The following SPHKAP variants were observed in gnomAD, a reference collection of about 807,000 sequenced individuals.
SPHKAP encodes A-kinase anchor protein SPHKAP.
In SPHKAP, 67 loss-of-function variants were observed where a neutral mutation model predicts 137.5. The ratio of observed to expected loss-of-function variants is 0.49; its 90% CI spans 0.40 to 0.60. SPHKAP has a LOEUF of 0.60. Ranked by LOEUF, SPHKAP falls within the 20% of genes least tolerant of loss-of-function variation. The pLI, the probability that SPHKAP is intolerant of heterozygous loss-of-function variation, is 0.00. For synonymous variants in SPHKAP, 813 were observed against 785.3 expected, an observed-to-expected ratio of 1.04 and a Z score of -0.59; for missense variants, 2,097 against 2,069.3, an observed-to-expected ratio of 1.01 and a Z score of -0.26.
chr2:228,107,281 T>C (rs1698372118), intron 3 of SPHKAP, among the ~76,000 whole-genome samples: 1 of 152,182 alleles, frequency 6.6e-6, no homozygotes, highest in Admixed American at 6.6e-5. Flanking sequence ...ACCATTCTAC[T>C]CTCTACTTTT....
At chr2:228,158,326 C>CTTTCT (rs780031162) in intron 1 of SPHKAP, among the ~76,000 whole-genome samples, 27 of 133,066 alleles carry the variant, frequency 2.0e-4, no homozygotes, top group East Asian at 1.1e-3. Flanking sequence ...TTACTTCTTT[C>CTTTCT]TTTTTTTTTT....
At chr2:228,004,944 T>C (rs539106967) in intron 7 of SPHKAP, among the ~76,000 whole-genome samples, 2 of 152,238 alleles carry the variant, frequency 1.3e-5, no homozygotes, top group Admixed American at 1.3e-4. Context: ...ATTTCTGTTC[T>C]TTTACATTTG....
At chr2:228,040,731 C>A (rs999125838) in intron 3 of SPHKAP, among the ~76,000 whole-genome samples, 1 of 151,808 alleles carries the variant, frequency 6.6e-6, no homozygotes, top group Non-Finnish European at 1.5e-5. Flanking sequence ...GTATTGACAG[C>A]TTAAAAAATA....
chr2:228,105,925 A>T (rs7570338), intron 3 of SPHKAP, among the ~76,000 whole-genome samples: 33,124 of 152,086 alleles, frequency 0.22, 4,074 homozygotes, highest in Admixed American at 0.36. Flanking sequence ...ACTAATACAC[A>T]TAGCTTTTGA....
intron 3 of SPHKAP, among the ~76,000 whole-genome samples, chr2:228,037,679 G>A (rs1002232868): frequency 6.6e-6 from 1 of 152,162 alleles, no homozygotes; most frequent in Non-Finnish European, 1.5e-5. Context: ...TTTGCGGGGA[G>A]ATAAGAGGTA....
chr2:228,129,961 T>C (rs1699199516), intron 2 of SPHKAP, among the ~76,000 whole-genome samples: 2 of 152,034 alleles, frequency 1.3e-5, no homozygotes. Flanking sequence ...CATGCCCAGC[T>C]AACTTTTGTA....
intron 2 of SPHKAP, among the ~76,000 whole-genome samples, chr2:228,126,240 G>A (rs944294719): frequency 6.6e-6 from 1 of 152,128 alleles, no homozygotes; most frequent in East Asian, 1.9e-4. Context: ...CATTTTAAAT[G>A]CATTATTTTG....
chr2:228,112,200 G>A (rs1409552330), intron 2 of SPHKAP, among the ~76,000 whole-genome samples: 1 of 152,074 alleles, frequency 6.6e-6, no homozygotes, highest in Non-Finnish European at 1.5e-5. Flanking sequence ...CATTAACTCT[G>A]TGTCATAAGA....
rs1693613426 is a variant in SPHKAP, at chr2:227,995,653, G to C, written c.4490C>G (p.Ser1497Cys). 22 of 1,612,326 alleles carry C rather than the reference G, an allele frequency of 1.4e-5. No individual in the cohort carries two copies. Among genetic ancestry groups the C allele is most frequent in the Non-Finnish European group, 1.6e-5 (19 of 1,179,598 alleles). The change falls in exon 8 of 12, where the codon TCC (serine) becomes TGC (cysteine). Residue 1497 changes from serine (S) to cysteine (C), a missense_variant. Ser to Cys is a moderately radical substitution (Grantham distance 112). Coordinates refer to ENST00000392056, the MANE Select transcript of SPHKAP (RefSeq NM_001142644.2). ...CTCATCGGGGGCTCTGGCTTCTGTG[G>C]AGGCTTCAGCCTCTGGTACATCTCT... is the stretch of plus-strand genomic sequence containing the variant. ...DTRDVPEAEA[S>C]TEARAPDEAP...
intron 11 of SPHKAP, chr2:227,982,140 C>T (rs941203453): frequency 4.1e-6 from 4 of 982,852 alleles, no homozygotes; most frequent in Non-Finnish European, 3.6e-6. Context: ...TTTTTAAGAG[C>T]CAGTCTTTTA....
At chr2:228,106,799 T>C (rs1017821208) in intron 3 of SPHKAP, among the ~76,000 whole-genome samples, 6 of 152,140 alleles carry the variant, frequency 3.9e-5, no homozygotes, top group Admixed American at 3.9e-4. Flanking sequence ...CCTAGAAATA[T>C]GTGCCAAGCC....
chr2:228,115,224 A>G (rs1167911221), intron 2 of SPHKAP, among the ~76,000 whole-genome samples: 1 of 152,062 alleles, frequency 6.6e-6, no homozygotes, highest in East Asian at 1.9e-4. Context: ...ACCTGGAGGG[A>G]TGACTTGCTG....
chr2:228,153,174 T>C (rs1033023245), intron 1 of SPHKAP, among the ~76,000 whole-genome samples: 3 of 152,190 alleles, frequency 2.0e-5, no homozygotes, highest in Admixed American at 2.0e-4. Flanking sequence ...CTCAGGTGTG[T>C]CTTTATCAGC....
intron 3 of SPHKAP, among the ~76,000 whole-genome samples, chr2:228,033,557 C>T (rs886547206): frequency 1.3e-5 from 2 of 152,164 alleles, no homozygotes; most frequent in Non-Finnish European, 2.9e-5. Flanking sequence ...AGTCTCCACC[C>T]CAAATCAATA....
chr2:228,151,085 C>T, intron 1 of SPHKAP, among the ~76,000 whole-genome samples: 1 of 136,436 alleles, frequency 7.3e-6, no homozygotes, highest in African/African-American at 2.7e-5. Context: ...CCTCCCCGCT[C>T]CCCCCACCCC....
At chr2:227,981,988 T>C in intron 11 of SPHKAP, 128 bp from the exon 12 acceptor site, 2 of 1,328,400 alleles carry the variant, frequency 1.5e-6, no homozygotes, top group Non-Finnish European at 9.6e-7. Flanking sequence ...CAGAGGACTG[T>C]TTTCCGGGAT....
chr2:228,173,277 T>C (rs1700641501), intron 1 of SPHKAP, among the ~76,000 whole-genome samples: 1 of 152,236 alleles, frequency 6.6e-6, no homozygotes. Flanking sequence ...GATCAGTTTT[T>C]TGTTCAATTA....
intron 3 of SPHKAP, among the ~76,000 whole-genome samples, chr2:228,070,732 G>C (rs1047708932): frequency 3.3e-5 from 5 of 152,044 alleles, no homozygotes; most frequent in Non-Finnish European, 5.9e-5. Context: ...AACAACGATG[G>C]CATCTTCAGT....
At chr2:228,141,175 T>C (rs1574888419) in intron 1 of SPHKAP, among the ~76,000 whole-genome samples, 1 of 152,196 alleles carries the variant, frequency 6.6e-6, no homozygotes, top group Admixed American at 6.5e-5. Context: ...CAGTTCCTAG[T>C]GTGTTGGCAT....
Sources: gnomAD v4.1 joint callset for allele counts (sites outside exome capture counted in the v4.1 genomes callset) on GRCh38, gnomAD v4.1.1 for gene constraint, MANE v1.5 for transcripts, NCBI Gene and HGNC (gene_info 2026-07-23, HGNC 2026-07-21) for gene names.